NAALADL2: variants seen among roughly 807,000 people sequenced by gnomAD.
NAALADL2 encodes the protein N-acetylated alpha-linked acidic dipeptidase like 2, also known as inactive N-acetylated-alpha-linked acidic dipeptidase-like protein 2.
In NAALADL2, 76 loss-of-function variants were observed where a neutral mutation model predicts 87.2. The observed-to-expected ratio is 0.87, with a 90% CI of 0.72 to 1.05. NAALADL2 has a LOEUF of 1.05. NAALADL2 is among the 50% of genes least tolerant of loss of function. The pLI is 0.00. For missense variants in NAALADL2, 1,089 were observed against 945.8 expected (o/e 1.15, Z -1.99); for synonymous variants, 354 against 331.0 (o/e 1.07, Z -0.75).
intron 1 of NAALADL2, among the ~76,000 whole-genome samples, chr3:174,958,677 C>G (rs894576457): frequency 6.6e-6 from 1 of 151,982 alleles, no homozygotes; most frequent in African/African-American, 2.4e-5. Flanking sequence ...ATTTGCATAA[C>G]ATTGGTTTCA....
intron 1 of NAALADL2, among the ~76,000 whole-genome samples, chr3:174,904,613 T>C (rs1474633044): frequency 6.6e-6 from 1 of 151,824 alleles, no homozygotes; most frequent in Admixed American, 6.6e-5. Flanking sequence ...TTGTAAATAC[T>C]TAAGTGGGAG....
intron 2 of NAALADL2, among the ~76,000 whole-genome samples, chr3:175,202,448 A>G (rs1740186273): frequency 1.3e-5 from 2 of 152,206 alleles, no homozygotes; most frequent in African/African-American, 4.8e-5. Flanking sequence ...AAGAATGCTT[A>G]ACATGCTGCA....
intron 3 of NAALADL2, among the ~76,000 whole-genome samples, chr3:175,254,688 T>TTTCTC (rs1749623250): frequency 6.6e-6 from 1 of 152,198 alleles, no homozygotes; most frequent in Non-Finnish European, 1.5e-5. Flanking sequence ...AATAGGAATT[T>TTTCTC]TTCTCACTTT....
In NAALADL2 at chr3:174,786,459, A is replaced by T. The variant is rs1417489042; in HGVS notation, c.-9+48713A>T. Reference sequence around the variant, plus strand: ...GAGCAGACTCTGTCTCAAAAAAAAAAAAAAAAATAATAAATAAATGAAAAG... The same window carrying T: ...GAGCAGACTCTGTCTCAAAAAAAAATAAAAAAATAATAAATAAATGAAAAG... On this transcript the variant is annotated intron_variant, in intron 3 of 3. Transcript: ENST00000434257. Among the ~76,000 whole-genome samples the T allele has an allele frequency of 1.6e-3, 220 of 140,918 alleles. 3 individuals carry two copies. Among genetic ancestry groups the T allele is most frequent in the Middle Eastern group, 3.7e-3 (1 of 270 alleles). 92.4% of individuals were successfully genotyped at this position (140,918 alleles called of 152,430 possible).
chr3:175,378,799 T>C (rs76382586), intron 5 of NAALADL2, among the ~76,000 whole-genome samples: 4,138 of 152,312 alleles, frequency 0.027, 89 homozygotes, highest in Non-Finnish European at 0.041. Flanking sequence ...GTGTCCCGGT[T>C]TCTAATTGTT....
chr3:175,383,799 T>C (rs933553580), intron 5 of NAALADL2, among the ~76,000 whole-genome samples: 1 of 152,050 alleles, frequency 6.6e-6, no homozygotes, highest in Non-Finnish European at 1.5e-5. Context: ...TACTCTTTAA[T>C]GAACAGAGAG....
At chr3:174,996,389 C>T (rs1165033507) in intron 1 of NAALADL2, among the ~76,000 whole-genome samples, 2 of 151,042 alleles carry the variant, frequency 1.3e-5, no homozygotes, top group African/African-American at 2.4e-5. Context: ...CTCAGCTACT[C>T]GGGAGGCTGA....
rs533543450 is a variant in NAALADL2 at position 175,671,601 on chromosome 3, C to T, written c.1896+44215C>T. ...GAGCCTATTCTCTGATGATTTGTGT[C>T]TCAATTTTCCAAATTGTTCCAGAGA... On this transcript the variant is annotated intron_variant, in intron 11 of 13. Coordinates refer to ENST00000454872, the MANE Select transcript of NAALADL2 (RefSeq NM_207015.3). Among the ~76,000 whole-genome samples, 7 of 152,124 alleles carry T rather than the reference C, an allele frequency of 4.6e-5. No homozygotes were observed. The East Asian group carries it at 9.6e-4, about 21-fold the overall frequency.
At chr3:175,471,365 T>A (rs538746217) in intron 8 of NAALADL2, among the ~76,000 whole-genome samples, 9 of 151,056 alleles carry the variant, frequency 6.0e-5, no homozygotes, top group African/African-American at 2.2e-4. Context: ...GCGCCTGTAG[T>A]CCCAGCTACT....
At chr3:174,758,338 C>T (rs969706157) in intron 3 of NAALADL2, among the ~76,000 whole-genome samples, 2 of 152,196 alleles carry the variant, frequency 1.3e-5, no homozygotes, top group Non-Finnish European at 2.9e-5. Context: ...TTCTCACTTT[C>T]ATTGATTACC....
At chr3:175,219,345 T>C (rs933888880) in intron 2 of NAALADL2, among the ~76,000 whole-genome samples, 1 of 152,190 alleles carries the variant, frequency 6.6e-6, no homozygotes, top group East Asian at 1.9e-4. Context: ...TTCTATTTTC[T>C]GGGAGACCAC....
At chr3:174,714,852 G>C (rs1440520586) in intron 2 of NAALADL2, among the ~76,000 whole-genome samples, 1 of 152,182 alleles carries the variant, frequency 6.6e-6, no homozygotes, top group Non-Finnish European at 1.5e-5. Flanking sequence ...GGAGTGTTGA[G>C]AGAGGGCATC....
At chr3:174,599,539 A>T (rs981694423) in intron 2 of NAALADL2, among the ~76,000 whole-genome samples, 3 of 152,158 alleles carry the variant, frequency 2.0e-5, no homozygotes, top group Non-Finnish European at 4.4e-5. Context: ...ATGTCAAAGT[A>T]CATTTAAGAG....
chr3:175,486,632 G>A (rs1026807952), intron 9 of NAALADL2, among the ~76,000 whole-genome samples: 1 of 151,986 alleles, frequency 6.6e-6, no homozygotes, highest in Non-Finnish European at 1.5e-5. Flanking sequence ...GGCCCCACTC[G>A]CTCTCTAGAA....
At chr3:174,594,656 A>G (rs1025584008) in intron 2 of NAALADL2, among the ~76,000 whole-genome samples, 10 of 152,188 alleles carry the variant, frequency 6.6e-5, no homozygotes, top group Admixed American at 6.5e-5. Flanking sequence ...CGTATTTTTC[A>G]GATCTGGCTG....
At chr3:175,451,474 C>A (rs750179617) in intron 6 of NAALADL2, among the ~76,000 whole-genome samples, 5 of 152,036 alleles carry the variant, frequency 3.3e-5, no homozygotes, top group Non-Finnish European at 7.4e-5. Context: ...ATTCATTCAA[C>A]GTATTGTCAA....
chr3:174,635,908 A>G (rs1393004776), intron 2 of NAALADL2, among the ~76,000 whole-genome samples: 1 of 152,212 alleles, frequency 6.6e-6, no homozygotes, highest in Non-Finnish European at 1.5e-5. Context: ...AGAGATAGTC[A>G]TAGAAGGATC....
At chr3:175,040,017 G>A (rs989163579) in intron 1 of NAALADL2, among the ~76,000 whole-genome samples, 1 of 152,076 alleles carries the variant, frequency 6.6e-6, no homozygotes, top group African/African-American at 2.4e-5. Context: ...ATATACACAT[G>A]CGCACAGGCA....
intron 9 of NAALADL2, among the ~76,000 whole-genome samples, chr3:175,538,943 G>A (rs1463651155): frequency 6.6e-6 from 1 of 152,088 alleles, no homozygotes; most frequent in African/African-American, 2.4e-5. Flanking sequence ...GCAAGAGCAG[G>A]CAGAAAAATT....
Sources: gnomAD v4.1 joint callset for allele counts (sites outside exome capture counted in the v4.1 genomes callset) on GRCh38, gnomAD v4.1.1 for gene constraint, MANE v1.5 for transcripts, NCBI Gene and HGNC (gene_info 2026-07-23, HGNC 2026-07-21) for gene names.